LRRC37A: variants seen among roughly 807,000 people sequenced by gnomAD.
LRRC37A encodes leucine rich repeat containing 37A, also known as leucine-rich repeat-containing protein 37A.
LRRC37A carries 3 observed loss-of-function variants against 35.4 expected under a neutral mutation model. The ratio of observed to expected loss-of-function variants is 0.08; its 90% CI spans 0.04 to 0.22. The LOEUF is 0.22. Ranked by LOEUF, LRRC37A falls within the 10% of genes least tolerant of loss-of-function variation. The probability of loss-of-function intolerance (pLI) is 1.00; values close to 1 mark genes in which losing one functional copy is unlikely to be tolerated. For synonymous variants in LRRC37A, 23 were observed against 215.0 expected (o/e 0.11, Z 7.81); for missense variants, 67 against 565.3 (o/e 0.12, Z 8.94).
chr17:46,324,140 A>C (rs2051573862), intron 7 of LRRC37A, among the ~76,000 whole-genome samples: 1 of 120,896 alleles, frequency 8.3e-6, no homozygotes, highest in Non-Finnish European at 1.8e-5. Context: ...GTGTGGTGGC[A>C]CATGCCTGTA....
At chr17:46,287,153 C>G in the LRRC37A span, among the ~76,000 whole-genome samples, 21,698 of 151,742 alleles carry the variant, frequency 0.14, 1,927 homozygotes, top group Non-Finnish European at 0.22. Flanking sequence ...ATCACATGTG[C>G]AAACAAAGTC....
chr17:46,249,761 C>A, the LRRC37A span, among the ~76,000 whole-genome samples: 1 of 152,318 alleles, frequency 6.6e-6, no homozygotes, highest in East Asian at 1.9e-4. Context: ...AAGCTGGAAG[C>A]ACAGGAACTG....
chr17:46,288,305 C>CTTTTT (rs78255121), upstream of LRRC37A, among the ~76,000 whole-genome samples: 15 of 112,250 alleles, frequency 1.3e-4, no homozygotes, highest in Non-Finnish European at 1.5e-4. Flanking sequence ...CCAGGCCCGG[C>CTTTTT]TTTTTTTTTT....
chr17:46,259,847 C>T, the LRRC37A span: 4 of 1,560,928 alleles, frequency 2.6e-6, no homozygotes, highest in East Asian at 9.8e-5. Flanking sequence ...GTAGCCCGAG[C>T]CCCTTGGGAC....
At chr17:46,282,889 C>A in the LRRC37A span, among the ~76,000 whole-genome samples, 1 of 149,672 alleles carries the variant, frequency 6.7e-6, no homozygotes, top group African/African-American at 2.4e-5. Flanking sequence ...GAGGCCGAAG[C>A]GAGCGGATCA....
At chr17:46,284,288 G>A in the LRRC37A span, among the ~76,000 whole-genome samples, 80 of 152,346 alleles carry the variant, frequency 5.3e-4, no homozygotes, top group Non-Finnish European at 1.3e-4. Flanking sequence ...GCGGCCTTCC[G>A]CAGTGTTTGT....
the LRRC37A span, among the ~76,000 whole-genome samples, chr17:46,284,612 C>T: frequency 2.6e-5 from 4 of 152,202 alleles, no homozygotes; most frequent in East Asian, 5.8e-4. Context: ...GCTTAGAAGT[C>T]ACAAAATCAG....
At chr17:46,255,681 G>GTT in the LRRC37A span, among the ~76,000 whole-genome samples, 5 of 114,494 alleles carry the variant, frequency 4.4e-5, no homozygotes, top group Admixed American at 1.8e-4. Context: ...ATTGTTTTTT[G>GTT]TTTTTTTTTT....
At chr17:46,271,919 T>C in the LRRC37A span, among the ~76,000 whole-genome samples, 1 of 152,190 alleles carries the variant, frequency 6.6e-6, no homozygotes, top group Non-Finnish European at 1.5e-5. Context: ...GTGCCACTTG[T>C]CCAGCTAAAT....
chr17:46,255,681 G>GTTT, the LRRC37A span, among the ~76,000 whole-genome samples: 2 of 114,510 alleles, frequency 1.7e-5, no homozygotes, highest in Non-Finnish European at 1.9e-5. Context: ...ATTGTTTTTT[G>GTTT]TTTTTTTTTT....
At chr17:46,279,389 G>A in the LRRC37A span, among the ~76,000 whole-genome samples, 1 of 151,262 alleles carries the variant, frequency 6.6e-6, no homozygotes, top group Non-Finnish European at 1.5e-5. Context: ...TTGCCATGTT[G>A]TCCAGGCTGG....
At chr17:46,289,555 G>A (rs1452426471), upstream of LRRC37A, among the ~76,000 whole-genome samples, 20 of 152,082 alleles carry the variant, frequency 1.3e-4, no homozygotes, top group Admixed American at 1.3e-3. Flanking sequence ...GGCTAGGCTG[G>A]TCTCGAACTC....
At chr17:46,253,047 C>A in the LRRC37A span, among the ~76,000 whole-genome samples, 9 of 148,130 alleles carry the variant, frequency 6.1e-5, no homozygotes, top group African/African-American at 2.2e-4. Flanking sequence ...GGTTGCCGGG[C>A]GGAGGGGCTC....
At chr17:46,271,325 C>T in the LRRC37A span, among the ~76,000 whole-genome samples, 7 of 148,562 alleles carry the variant, frequency 4.7e-5, no homozygotes, top group East Asian at 1.5e-3. Context: ...GCCACTTTAC[C>T]TAGCTAATTT....
At chr17:46,257,544 T>C in the LRRC37A span, among the ~76,000 whole-genome samples, 5 of 151,296 alleles carry the variant, frequency 3.3e-5, no homozygotes, top group Non-Finnish European at 7.4e-5. Flanking sequence ...CCAGGCATAG[T>C]GGCTCATGCC....
At chr17:46,282,798 GCA>G in the LRRC37A span, among the ~76,000 whole-genome samples, 1 of 152,202 alleles carries the variant, frequency 6.6e-6, no homozygotes, top group South Asian at 2.1e-4. Flanking sequence ...AAGAGAGAAA[GCA>G]CCCCGTGGCT....
the LRRC37A span, among the ~76,000 whole-genome samples, chr17:46,250,435 G>A: frequency 6.6e-6 from 1 of 152,194 alleles, no homozygotes; most frequent in Non-Finnish European, 1.5e-5. Flanking sequence ...TGAGTCAGCG[G>A]GCTGAGAAAG....
At chr17:46,317,129 C>G (rs1299044985) in intron 5 of LRRC37A, among the ~76,000 whole-genome samples, 2 of 89,316 alleles carry the variant, frequency 2.2e-5, no homozygotes, top group Admixed American at 1.1e-4. Context: ...CTGTTGGGTA[C>G]ACCTCCCAGA....
chr17:46,332,942 T>C (rs1252926686), intron 10 of LRRC37A, among the ~76,000 whole-genome samples: 2 of 151,392 alleles, frequency 1.3e-5, no homozygotes, highest in African/African-American at 2.4e-5. Context: ...CCCAAAACTA[T>C]GTCAACAATT....
Sources: allele counts gnomAD v4.1 joint callset (sites outside exome capture counted in the v4.1 genomes callset), GRCh38; gene constraint gnomAD v4.1.1; transcripts MANE v1.5; gene names NCBI Gene and HGNC (gene_info 2026-07-23, HGNC 2026-07-21).